Variants in RUNDC3B observed in about 807,000 individuals in gnomAD.
The protein encoded by RUNDC3B is RUN domain-containing protein 3B.
A neutral mutation model predicts 58.4 loss-of-function variants in RUNDC3B; 33 were observed. That is an observed-to-expected ratio of 0.56 (90% confidence interval 0.43 to 0.75). The LOEUF (loss-of-function observed/expected upper bound fraction) is 0.75, where lower values mean the gene tolerates loss of function less well. Among genes scored for constraint, RUNDC3B ranks in the 30% least tolerant of loss-of-function variants. RUNDC3B has a pLI of 0.00. For missense variants in RUNDC3B, 501 were observed against 535.7 expected, an observed-to-expected ratio of 0.94 and a Z score of 0.64; for synonymous variants, 193 against 195.2, an observed-to-expected ratio of 0.99 and a Z score of 0.10.
At chr7:87,750,820 T>C (rs1173376837) in intron 6 of RUNDC3B, among the ~76,000 whole-genome samples, 1 of 151,036 alleles carries the variant, frequency 6.6e-6, no homozygotes, top group Non-Finnish European at 1.5e-5. Flanking sequence ...TTTCTCCCAT[T>C]TTGTAGGTTG....
intron 2 of RUNDC3B, among the ~76,000 whole-genome samples, chr7:87,673,549 A>C (rs567083553): frequency 2.0e-5 from 3 of 152,176 alleles, no homozygotes; most frequent in African/African-American, 7.2e-5. Flanking sequence ...CGAAGTGTGC[A>C]TGTCTATCAG....
Position 87,692,141 on chromosome 7 carries a change from T to G in RUNDC3B, c.239-8280T>G, listed in dbSNP as rs117654121. Among the ~76,000 whole-genome samples, 618 of 152,216 alleles carry G rather than the reference T, an allele frequency of 4.1e-3. 1 individual carries two copies. The highest frequency in any genetic ancestry group is 6.3e-3 in the Non-Finnish European group (429 of 68,002). On this transcript the variant is annotated intron_variant, in intron 2 of 10. Coordinates refer to ENST00000394654, the MANE Select transcript of RUNDC3B (RefSeq NM_001134405.2). Reference sequence around the variant, plus strand: ...GCACAGAGGCTAGCATACTAACAGCTTTTTAAAAAAATAACCAACATTATC... The same window carrying G: ...GCACAGAGGCTAGCATACTAACAGCGTTTTAAAAAAATAACCAACATTATC...
At chr7:87,716,869 C>A (rs2130765838) in intron 4 of RUNDC3B, among the ~76,000 whole-genome samples, 1 of 152,288 alleles carries the variant, frequency 6.6e-6, no homozygotes, top group East Asian at 1.9e-4. Context: ...TAGGGTCTCA[C>A]TCTGTCTTCT....
intron 6 of RUNDC3B, among the ~76,000 whole-genome samples, chr7:87,747,073 G>C (rs1832681838): frequency 6.6e-6 from 1 of 152,122 alleles, no homozygotes; most frequent in South Asian, 2.1e-4. Flanking sequence ...ACCAGGGTTG[G>C]TTTTCTGGTT....
intron 6 of RUNDC3B, among the ~76,000 whole-genome samples, chr7:87,765,915 G>A (rs1833952791): frequency 6.6e-6 from 1 of 151,674 alleles, no homozygotes; most frequent in Non-Finnish European, 1.5e-5. Context: ...CACTATTATT[G>A]TATTACCCTA....
chr7:87,740,074 T>C (rs1220706059), intron 5 of RUNDC3B, among the ~76,000 whole-genome samples, 194 bp downstream of exon 5: 1 of 152,162 alleles, frequency 6.6e-6, no homozygotes, highest in Non-Finnish European at 1.5e-5. Context: ...GCCTGAAACT[T>C]AATGAATTGA....
intron 7 of RUNDC3B, among the ~76,000 whole-genome samples, chr7:87,772,946 A>T (rs1834361953): frequency 6.6e-6 from 1 of 152,124 alleles, no homozygotes; most frequent in Admixed American, 6.5e-5. Flanking sequence ...AACTAAAAGA[A>T]TTTTATGTCA....
intron 6 of RUNDC3B, among the ~76,000 whole-genome samples, chr7:87,763,827 T>G (rs940741234): frequency 4.6e-5 from 7 of 151,812 alleles, no homozygotes; most frequent in African/African-American, 1.7e-4. Context: ...GATCCCTGAC[T>G]AAGAACATCT....
chr7:87,803,683 T>G (rs1174155683), intron 8 of RUNDC3B, among the ~76,000 whole-genome samples: 1 of 152,182 alleles, frequency 6.6e-6, no homozygotes, highest in Non-Finnish European at 1.5e-5. Flanking sequence ...TTTAGATGAT[T>G]GCTTCTTCAC....
intron 4 of RUNDC3B, among the ~76,000 whole-genome samples, chr7:87,732,518 A>G (rs1275186935): frequency 6.6e-6 from 1 of 152,160 alleles, no homozygotes; most frequent in Non-Finnish European, 1.5e-5. Flanking sequence ...AGAAGGCCAC[A>G]TTGGGCACCA....
At chr7:87,784,704 G>A (rs540627498) in intron 8 of RUNDC3B, among the ~76,000 whole-genome samples, 2 of 146,498 alleles carry the variant, frequency 1.4e-5, no homozygotes, top group Admixed American at 6.8e-5. Context: ...AGATGTGGTG[G>A]TAGGGGAGAT....
chr7:87,671,947 C>T (rs1421488277), intron 2 of RUNDC3B, among the ~76,000 whole-genome samples: 1 of 151,952 alleles, frequency 6.6e-6, no homozygotes, highest in Admixed American at 6.6e-5. Context: ...GTTGGGAGGT[C>T]CTGCCCAGTG....
intron 6 of RUNDC3B, among the ~76,000 whole-genome samples, chr7:87,764,948 G>A (rs1307503491): frequency 6.6e-6 from 1 of 151,496 alleles, no homozygotes; most frequent in Non-Finnish European, 1.5e-5. Context: ...CTTTTTTGTT[G>A]GGAGATTTTT....
intron 4 of RUNDC3B, among the ~76,000 whole-genome samples, chr7:87,733,315 A>G (rs896220540): frequency 2.0e-5 from 3 of 152,132 alleles, no homozygotes; most frequent in African/African-American, 7.2e-5. Flanking sequence ...TGGCAGTCCA[A>G]CCTGGCATTG....
At chr7:87,752,630 C>G (rs1395806678) in intron 6 of RUNDC3B, among the ~76,000 whole-genome samples, 1 of 152,178 alleles carries the variant, frequency 6.6e-6, no homozygotes, top group Non-Finnish European at 1.5e-5. Flanking sequence ...AGGAATTTAT[C>G]CATTTCTTCT....
intron 4 of RUNDC3B, among the ~76,000 whole-genome samples, chr7:87,721,758 A>G (rs781600970): frequency 5.3e-5 from 8 of 151,662 alleles, no homozygotes; most frequent in Admixed American, 2.6e-4. Flanking sequence ...TTATGCTCCT[A>G]TTCTAACATT....
intron 1 of RUNDC3B, among the ~76,000 whole-genome samples, chr7:87,647,470 C>T (rs956461630): frequency 6.6e-6 from 1 of 152,032 alleles, no homozygotes; most frequent in Non-Finnish European, 1.5e-5. Context: ...AAGATATTTG[C>T]AAACATGTAA....
intron 10 of RUNDC3B, among the ~76,000 whole-genome samples, chr7:87,822,525 A>ATTG (rs1554499155): frequency 3.3e-5 from 5 of 152,242 alleles, no homozygotes; most frequent in Non-Finnish European, 7.3e-5. Flanking sequence ...TGACCCATCC[A>ATTG]TCCCATTACT....
At chr7:87,764,170 T>C (rs1833847336) in intron 6 of RUNDC3B, among the ~76,000 whole-genome samples, 1 of 151,836 alleles carries the variant, frequency 6.6e-6, no homozygotes, top group South Asian at 2.1e-4. Context: ...GATTACTTTA[T>C]GTAAATTTAA....
Sources: allele counts gnomAD v4.1 joint callset (sites outside exome capture counted in the v4.1 genomes callset), GRCh38; gene constraint gnomAD v4.1.1; transcripts MANE v1.5; gene names NCBI Gene and HGNC (gene_info 2026-07-23, HGNC 2026-07-21).